Variants in NAV2 observed in about 807,000 individuals in gnomAD.
The protein encoded by NAV2 is neuron navigator 2, also known as helicase, APC down-regulated 1.
A neutral mutation model predicts 223.2 loss-of-function variants in NAV2; 54 were observed. The ratio of observed to expected loss-of-function variants is 0.24; its 90% CI spans 0.19 to 0.30. The LOEUF is 0.30. NAV2 is among the 10% of genes least tolerant of loss of function. The probability of loss-of-function intolerance (pLI) is 1.00; values close to 1 mark genes in which losing one functional copy is unlikely to be tolerated. For missense variants in NAV2, 2,806 were observed against 3,147.5 expected (o/e 0.89, Z 2.60); for synonymous variants, 1,279 against 1,239.3 (o/e 1.03, Z -0.67).
chr11:19,547,737 T>A (rs975396843), intron 1 of NAV2, among the ~76,000 whole-genome samples: 3 of 152,134 alleles, frequency 2.0e-5, no homozygotes, highest in Non-Finnish European at 4.4e-5. Context: ...GACTTGTACT[T>A]TCAGGGAAGT....
In NAV2 at chr11:20,103,335, C is replaced by G. The variant is rs755332804; in HGVS notation, c.6498C>G (p.Ile2166Met). ...NNAVDMPLVI[I>M]LDNLHHVSSL... ...CTGTGGACATGCCCCTCGTCATCAT[C>G]CTGGACAACCTACACCACGTGAGCT... Residue 2166 changes from isoleucine to methionine, a missense_variant, in exon 33 of 38, where the codon ATC (isoleucine) becomes ATG (methionine). Ile to Met is a conservative substitution (Grantham distance 10). Around this residue, in one of 4 missense-constraint regions of NAV2, gnomAD observed 824 missense variants for 1,069.4 expected, o/e 0.77. Coordinates refer to ENST00000349880, the MANE Select transcript of NAV2 (RefSeq NM_145117.5). 2 of 1,614,098 alleles carry G rather than the reference C, an allele frequency of 1.2e-6. No homozygotes were observed. The highest frequency in any genetic ancestry group is 1.3e-5 in the African/African-American group (1 of 74,942).
chr11:19,611,068 A>G (rs561764354), intron 1 of NAV2, among the ~76,000 whole-genome samples: 1 of 152,344 alleles, frequency 6.6e-6, no homozygotes, highest in East Asian at 1.9e-4. Flanking sequence ...AAGCCTCAGC[A>G]TCATGGTGGA....
At chr11:19,725,721 G>C (rs1265495479) in intron 1 of NAV2, among the ~76,000 whole-genome samples, 5 of 152,102 alleles carry the variant, frequency 3.3e-5, no homozygotes, top group African/African-American at 1.2e-4. Flanking sequence ...TGCCAGCTTT[G>C]TCATATTTTT....
intron 1 of NAV2, among the ~76,000 whole-genome samples, chr11:19,655,090 C>T (rs2048082376): frequency 6.6e-6 from 1 of 152,182 alleles, no homozygotes; most frequent in Admixed American, 6.5e-5. Context: ...AGGATATGAA[C>T]AGACACTTCT....
rs55675583 is a variant in NAV2 at position 19,759,090 on chromosome 11, CTTTTTTTTTT to C, written c.267+45145_267+45154del. On this transcript the variant is annotated intron_variant, in intron 1 of 37. Transcript: ENST00000349880. Reference sequence around the variant, plus strand: ...CATAGAACTTTGGATCTGAAAGACACTTTTTTTTTTTTTTTTTTTTTTTTTTGAGATGGAA... The same window carrying C: ...CATAGAACTTTGGATCTGAAAGACACTTTTTTTTTTTTTTTTGAGATGGAA... 4.4e-4 allele frequency among the ~76,000 whole-genome samples: 28 copies of C among 63,870 alleles called. 1 individual carries two copies. In the South Asian group the frequency reaches 4.5e-3, roughly 10 times the overall value. The allele number at this position is 63,870 out of a possible 152,430, so 41.9% of individuals were successfully genotyped here. A position where few individuals can be genotyped will look rare whatever the true frequency, so the allele number is the denominator to read the frequency against.
chr11:19,915,605 C>T (rs181616581), intron 6 of NAV2, among the ~76,000 whole-genome samples: 1 of 152,356 alleles, frequency 6.6e-6, no homozygotes, highest in East Asian at 1.9e-4. Context: ...AAGTCTCTAA[C>T]TCATCTTTTA....
At chr11:19,645,061 C>T (rs1433162185) in intron 1 of NAV2, among the ~76,000 whole-genome samples, 3 of 152,208 alleles carry the variant, frequency 2.0e-5, no homozygotes, top group African/African-American at 4.8e-5. Flanking sequence ...CAAGCCTATT[C>T]TCTTACAATT....
At chr11:19,596,281 C>T (rs1307304055) in intron 1 of NAV2, among the ~76,000 whole-genome samples, 1 of 152,184 alleles carries the variant, frequency 6.6e-6, no homozygotes, top group Non-Finnish European at 1.5e-5. Context: ...ATACAGAGGC[C>T]TGGCTGAACC....
chr11:19,498,539 T>C (rs2042869642), intron 1 of NAV2, among the ~76,000 whole-genome samples: 1 of 152,256 alleles, frequency 6.6e-6, no homozygotes, highest in South Asian at 2.1e-4. Context: ...TTCTTCCTTT[T>C]CCCATCCACC....
At chr11:19,476,509 C>A (rs2042119619) in intron 1 of NAV2, among the ~76,000 whole-genome samples, 1 of 152,130 alleles carries the variant, frequency 6.6e-6, no homozygotes, top group Non-Finnish European at 1.5e-5. Context: ...AGCAGCCATT[C>A]CTGCACTCTC....
At chr11:19,466,984 T>TATAC (rs1554940926) in intron 1 of NAV2, among the ~76,000 whole-genome samples, 35 of 125,142 alleles carry the variant, frequency 2.8e-4, no homozygotes, top group African/African-American at 1.1e-3. Flanking sequence ...TCTCTCTCTC[T>TATAC]ACACACACAC....
At chr11:19,634,171 C>T (rs1171535874) in intron 1 of NAV2, among the ~76,000 whole-genome samples, 1 of 152,192 alleles carries the variant, frequency 6.6e-6, no homozygotes, top group African/African-American at 2.4e-5. Context: ...TGGGCCTGGG[C>T]CTTGGTTGCC....
rs556384199 is a variant in NAV2, at chr11:19,631,838, G to A, written c.76-200646G>A. Among the ~76,000 whole-genome samples the A allele has an allele frequency of 4.2e-4, 64 of 152,338 alleles. 1 individual carries two copies. Among genetic ancestry groups the A allele is most frequent in the African/African-American group, 1.5e-3 (61 of 41,574 alleles). ...AGGGCAAGGATTGCTCAGTGATTAG[G>A]AGCCTGTGTGCTGTCAGACATCTAA... On this transcript the variant is annotated intron_variant, in intron 1 of 37. Transcript: ENST00000360655.
At chr11:19,910,145 AGAGT>A (rs1267276620) in intron 6 of NAV2, among the ~76,000 whole-genome samples, 10 of 152,224 alleles carry the variant, frequency 6.6e-5, no homozygotes, top group African/African-American at 2.4e-4. Flanking sequence ...ACTAAAGTTC[AGAGT>A]GATTAAATAA....
intron 24 of NAV2, 118 bp downstream of exon 24, chr11:20,078,222 T>A: frequency 1.4e-6 from 1 of 733,550 alleles, no homozygotes; most frequent in Non-Finnish European, 2.3e-6. Context: ...TTCAGCTCCA[T>A]GTCAGGCAAG....
Position 19,554,872 on chromosome 11 carries a change from G to A in NAV2, c.75+203845G>A, listed in dbSNP as rs539173935. 8.6e-5 allele frequency among the ~76,000 whole-genome samples: 13 copies of A among 151,940 alleles called. No individual in the cohort carries two copies. The South Asian group carries it at 1.2e-3, about 15-fold the overall frequency. On this transcript the variant is annotated intron_variant, in intron 1 of 37. Coordinates refer to the NAV2 transcript ENST00000360655. ...TGAGGCAGGAGAATCACTTGAACCC[G>A]GGAGGAGGAGGTTGCAGTGAGCTGA...
intron 1 of NAV2, among the ~76,000 whole-genome samples, chr11:19,640,654 G>A (rs1393808741): frequency 6.6e-6 from 1 of 152,120 alleles, no homozygotes; most frequent in Non-Finnish European, 1.5e-5. Context: ...GTGGTTCTAG[G>A]AGGAGAAGGA....
chr11:19,392,244 C>A (rs988861260), intron 1 of NAV2, among the ~76,000 whole-genome samples: 10 of 152,316 alleles, frequency 6.6e-5, no homozygotes, highest in African/African-American at 2.2e-4. Context: ...CCTTGATTTT[C>A]TCATCTGTAA....
chr11:19,388,577 C>A (rs1728357425), intron 1 of NAV2, among the ~76,000 whole-genome samples: 1 of 152,110 alleles, frequency 6.6e-6, no homozygotes, highest in African/African-American at 2.4e-5. Context: ...GGGATTTTGG[C>A]TGGGAGGAAG....
Sources: gnomAD v4.1 joint callset for allele counts (sites outside exome capture counted in the v4.1 genomes callset) on GRCh38, gnomAD v4.1.1 for gene constraint, gnomAD v4.1.1 regional missense constraint, MANE v1.5 for transcripts, NCBI Gene and HGNC (gene_info 2026-07-23, HGNC 2026-07-21) for gene names.